The following FHIT variants were observed in gnomAD, a reference collection of about 807,000 sequenced individuals.
FHIT encodes bis(5'-adenosyl)-triphosphatase.
A neutral mutation model predicts 17.9 loss-of-function variants in FHIT; 19 were observed. That is an observed-to-expected ratio of 1.06 (90% confidence interval 0.74 to 1.56). The LOEUF (loss-of-function observed/expected upper bound fraction) is 1.56. Among genes scored for constraint, FHIT ranks in the 40% most tolerant of loss-of-function variants. The probability of loss-of-function intolerance (pLI) is 0.00; values close to 1 mark genes in which losing one functional copy is unlikely to be tolerated. For synonymous variants in FHIT, 81 were observed against 69.7 expected, an observed-to-expected ratio of 1.16 and a Z score of -0.81; for missense variants, 248 against 189.2, an observed-to-expected ratio of 1.31 and a Z score of -1.82.
chr3:60,067,087 T>G (rs982784724), intron 5 of FHIT, among the ~76,000 whole-genome samples: 1 of 152,088 alleles, frequency 6.6e-6, no homozygotes, highest in Admixed American at 6.5e-5. Flanking sequence ...ATGCACAGCA[T>G]AAGAAGATAC....
intron 5 of FHIT, among the ~76,000 whole-genome samples, chr3:60,280,563 C>T (rs62248468): frequency 1.3e-5 from 2 of 151,890 alleles, no homozygotes; most frequent in Non-Finnish European, 2.9e-5. Flanking sequence ...ACAGAGATCA[C>T]TGTCACACCC....
intron 3 of FHIT, among the ~76,000 whole-genome samples, chr3:60,900,218 C>T (rs1171387111): frequency 5.3e-5 from 8 of 152,030 alleles, no homozygotes; most frequent in Admixed American, 5.2e-4. Flanking sequence ...GGATTCAGGG[C>T]CACAGTTAGG....
At chr3:59,892,172 T>A (rs969041082) in intron 8 of FHIT, among the ~76,000 whole-genome samples, 1 of 152,146 alleles carries the variant, frequency 6.6e-6, no homozygotes, top group Non-Finnish European at 1.5e-5. Context: ...ACTAGCAGAT[T>A]TTTACATCAT....
chr3:60,322,091 A>G (rs77145756), intron 5 of FHIT, among the ~76,000 whole-genome samples: 4 of 152,210 alleles, frequency 2.6e-5, no homozygotes, highest in African/African-American at 7.2e-5. Context: ...AATTTTCAAG[A>G]AACACATTTG....
intron 3 of FHIT, among the ~76,000 whole-genome samples, chr3:60,895,250 A>G (rs1705732228): frequency 6.6e-6 from 1 of 152,182 alleles, no homozygotes; most frequent in Admixed American, 6.5e-5. Flanking sequence ...TTTGAAAGGC[A>G]TACTACCTAA....
At position 61,081,193 on chromosome 3, in the gene FHIT, G is replaced by A. The variant is rs142941904; in HGVS notation, c.-163-39094C>T. On this transcript the variant is annotated intron_variant, in intron 2 of 9. Transcript: ENST00000492590. Reference sequence around the variant, plus strand: ...ATTTCCCGAAGCATAATAAAATAGAGAGGCTGTGTCTCCAGGGTTCCACTT... The same window carrying A: ...ATTTCCCGAAGCATAATAAAATAGAAAGGCTGTGTCTCCAGGGTTCCACTT... Among the ~76,000 whole-genome samples, 1,508 of 152,258 alleles carry A rather than the reference G, an allele frequency of 9.9e-3. 14 individuals are homozygous for A. Among genetic ancestry groups the A allele is most frequent in the Middle Eastern group, 0.041 (12 of 292 alleles).
chr3:60,903,939 T>G (rs982901089), intron 3 of FHIT, among the ~76,000 whole-genome samples: 4 of 152,166 alleles, frequency 2.6e-5, no homozygotes, highest in Non-Finnish European at 5.9e-5. Context: ...GAAACAAGAA[T>G]GAAAAAGACA....
intron 4 of FHIT, among the ~76,000 whole-genome samples, chr3:60,660,483 G>T (rs2040214257): frequency 6.6e-6 from 1 of 152,026 alleles, no homozygotes; most frequent in Non-Finnish European, 1.5e-5. Context: ...CCTTCTCTTG[G>T]AAATTAAAAG....
intron 5 of FHIT, among the ~76,000 whole-genome samples, chr3:60,193,161 G>A (rs562699094): frequency 1.1e-3 from 173 of 152,310 alleles, no homozygotes; most frequent in Non-Finnish European, 1.9e-3. Flanking sequence ...CACTTAGAAT[G>A]CACTTAGTCA....
intron 5 of FHIT, among the ~76,000 whole-genome samples, chr3:60,323,270 C>T (rs551132190): frequency 1.3e-5 from 2 of 152,172 alleles, no homozygotes; most frequent in South Asian, 2.1e-4. Flanking sequence ...ATCTACATAA[C>T]GTCAAGCGTC....
chr3:60,124,192 A>G (rs900083123), intron 5 of FHIT, among the ~76,000 whole-genome samples: 3 of 150,840 alleles, frequency 2.0e-5, no homozygotes, highest in Admixed American at 2.0e-4. Context: ...CACTGGGATT[A>G]CAGGCATGAA....
chr3:59,829,987 G>A (rs937402795), intron 8 of FHIT, among the ~76,000 whole-genome samples: 1 of 151,988 alleles, frequency 6.6e-6, no homozygotes, highest in Non-Finnish European at 1.5e-5. Flanking sequence ...GAGGTTGGAG[G>A]GTGGCTTGAG....
intron 8 of FHIT, among the ~76,000 whole-genome samples, chr3:59,905,748 C>G (rs905508123): frequency 6.6e-6 from 1 of 151,994 alleles, no homozygotes; most frequent in Non-Finnish European, 1.5e-5. Context: ...ATAGAAAACC[C>G]GAATACGTAA....
At chr3:60,533,929 G>A (rs1468033024) in intron 5 of FHIT, among the ~76,000 whole-genome samples, 1 of 152,140 alleles carries the variant, frequency 6.6e-6, no homozygotes, top group Non-Finnish European at 1.5e-5. Context: ...CAGAGGCAGG[G>A]AGACAGCATA....
chr3:60,868,228 C>T (rs1350184483), intron 3 of FHIT, among the ~76,000 whole-genome samples: 3 of 152,136 alleles, frequency 2.0e-5, no homozygotes, highest in African/African-American at 7.2e-5. Context: ...AGATTGCAAG[C>T]CATATATTTC....
At chr3:61,198,633 TTGA>T (rs1219997414) in intron 2 of FHIT, among the ~76,000 whole-genome samples, 5 of 152,136 alleles carry the variant, frequency 3.3e-5, no homozygotes. Context: ...TAACTAGTAA[TTGA>T]TGACAACCAA....
intron 4 of FHIT, among the ~76,000 whole-genome samples, chr3:60,777,672 T>G (rs537524586): frequency 6.6e-6 from 1 of 152,374 alleles, no homozygotes; most frequent in South Asian, 2.1e-4. Context: ...GCAGGGCAAC[T>G]TCAAGGTATG....
intron 5 of FHIT, among the ~76,000 whole-genome samples, chr3:60,184,113 G>A (rs1194890290): frequency 6.6e-6 from 1 of 151,546 alleles, no homozygotes; most frequent in African/African-American, 2.4e-5. Flanking sequence ...TCAGCCTCCT[G>A]AGTAACTCGG....
At chr3:60,124,051 G>GAGAGAGAGAGAGAGAGAGAGAC (rs1559653981) in intron 5 of FHIT, among the ~76,000 whole-genome samples, 1 of 118,788 alleles carries the variant, frequency 8.4e-6, no homozygotes, top group African/African-American at 3.3e-5. Flanking sequence ...GAGAGAGAGA[G>GAGAGAGAGAGAGAGAGAGAGAC]AGAGACAGAG....
Sources: allele counts gnomAD v4.1 joint callset (sites outside exome capture counted in the v4.1 genomes callset), GRCh38; gene constraint gnomAD v4.1.1; transcripts MANE v1.5; gene names NCBI Gene and HGNC (gene_info 2026-07-23, HGNC 2026-07-21).